The following RASEF variants were observed in gnomAD, a reference collection of about 807,000 sequenced individuals.
RASEF encodes RAS and EF-hand domain containing.
A neutral mutation model predicts 90.1 loss-of-function variants in RASEF; 68 were observed. That is an observed-to-expected ratio of 0.75 (90% CI 0.62 to 0.92). The LOEUF is 0.92. RASEF is among the 40% of genes least tolerant of loss of function. The pLI is 0.00. For missense variants in RASEF, 949 were observed against 937.2 expected, an observed-to-expected ratio of 1.01 and a Z score of -0.16; for synonymous variants, 331 against 345.2, an observed-to-expected ratio of 0.96 and a Z score of 0.46.
the RASEF span, among the ~76,000 whole-genome samples, chr9:83,156,429 C>A: frequency 6.6e-6 from 1 of 152,174 alleles, no homozygotes; most frequent in Non-Finnish European, 1.5e-5. Flanking sequence ...GCTGGTTCCT[C>A]ATGTTCTTTA....
At chr9:83,036,674 G>C (rs966178671) in intron 1 of RASEF, among the ~76,000 whole-genome samples, 7 of 152,128 alleles carry the variant, frequency 4.6e-5, no homozygotes, top group African/African-American at 1.4e-4. Context: ...ACAACAAAAT[G>C]GAACGTGGTG....
the RASEF span, among the ~76,000 whole-genome samples, chr9:83,116,374 C>G: frequency 6.6e-6 from 1 of 152,142 alleles, no homozygotes; most frequent in Non-Finnish European, 1.5e-5. Flanking sequence ...AGGCTATTCA[C>G]TTTGGGAGGA....
At chr9:83,090,043 C>A in the RASEF span, among the ~76,000 whole-genome samples, 3 of 152,086 alleles carry the variant, frequency 2.0e-5, no homozygotes, top group African/African-American at 7.2e-5. Context: ...ATTCTTTTTT[C>A]TTTGTCTTCC....
intron 1 of RASEF, among the ~76,000 whole-genome samples, chr9:83,033,212 A>G (rs113069924): frequency 4.3e-4 from 65 of 152,334 alleles, no homozygotes; most frequent in African/African-American, 1.4e-3. Context: ...CTAGCATCTG[A>G]ACATGAGACA....
the RASEF span, among the ~76,000 whole-genome samples, chr9:83,159,564 T>C: frequency 4.1e-4 from 63 of 152,308 alleles, no homozygotes; most frequent in African/African-American, 1.5e-3. Flanking sequence ...AATTTTCTAA[T>C]TGTGTTTGAA....
At chr9:83,128,025 C>CTTTTTTTTTTTT in the RASEF span, among the ~76,000 whole-genome samples, 3 of 134,724 alleles carry the variant, frequency 2.2e-5, no homozygotes, top group Non-Finnish European at 4.7e-5. Context: ...TTTTTCTTTT[C>CTTTTTTTTTTTT]TTTTTTTTTT....
intron 16 of RASEF, among the ~76,000 whole-genome samples, chr9:82,989,563 T>C (rs533693752): frequency 1.3e-5 from 2 of 152,248 alleles, no homozygotes; most frequent in East Asian, 3.9e-4. Flanking sequence ...TGCAAAGTAT[T>C]TTAACTATCA....
the RASEF span, among the ~76,000 whole-genome samples, chr9:83,160,656 A>G: frequency 6.6e-6 from 1 of 152,238 alleles, no homozygotes; most frequent in African/African-American, 2.4e-5. Flanking sequence ...TTGCAAAAGT[A>G]ATGAGGAGCC....
At chr9:83,004,436 ATTTAC>A (rs141850659) in intron 9 of RASEF, 57 bp downstream of exon 9, 517,869 of 1,025,526 alleles carry the variant, frequency 0.5, 133,323 homozygotes, top group East Asian at 0.73. Context: ...CTCCAAGGAA[ATTTAC>A]TTTCCTTTTA....
intron 1 of RASEF, chr9:83,048,854 T>C: frequency 1.3e-6 from 1 of 758,608 alleles, no homozygotes; most frequent in Non-Finnish European, 1.6e-6. Flanking sequence ...TGAGGCTGTG[T>C]GCAGTGGCTC....
At chr9:83,018,970 T>A (rs1309710044) in intron 3 of RASEF, among the ~76,000 whole-genome samples, 1 of 152,088 alleles carries the variant, frequency 6.6e-6, no homozygotes, top group Non-Finnish European at 1.5e-5. Flanking sequence ...ATAAAAAAAA[T>A]ATGAACATTG....
At chr9:83,068,043 A>T (rs1243697831), upstream of RASEF, among the ~76,000 whole-genome samples, 1 of 151,782 alleles carries the variant, frequency 6.6e-6, no homozygotes, top group Non-Finnish European at 1.5e-5. Context: ...CTCCCAGTTA[A>T]TTTTTTTTGT....
At position 83,015,823 on chromosome 9, in the gene RASEF, G is replaced by C. The variant is rs1829333223; in HGVS notation, c.747C>G (p.Thr249=). 4 of 1,613,132 alleles carry C rather than the reference G, an allele frequency of 2.5e-6. No individual in the cohort carries two copies. In the African/African-American group the frequency reaches 4.0e-5, roughly 16 times the overall value. The change falls in exon 4 of 17, where the codon ACC becomes ACG. Residue 249 remains threonine (T), a synonymous_variant. Transcript: ENST00000376447. ...TGCCTACCTTTCTTAGCTTTTTAAT[G>C]GTCACCTGCAGATCTCCTACTTCAG... is the stretch of plus-strand genomic sequence containing the variant. The part of the protein sequence containing the change: ...YETEVGDLQV[T]IKKLRKLEEQ...
the RASEF span, among the ~76,000 whole-genome samples, chr9:83,122,183 C>A: frequency 6.6e-6 from 1 of 152,196 alleles, no homozygotes; most frequent in African/African-American, 2.4e-5. Flanking sequence ...CAGCTCACGT[C>A]CACTACTGAC....
the RASEF span, among the ~76,000 whole-genome samples, chr9:83,111,817 G>A: frequency 3.3e-5 from 5 of 151,670 alleles, no homozygotes; most frequent in South Asian, 2.1e-4. Context: ...TAAAAACAAT[G>A]GAAGAAAGCA....
At chr9:83,021,153 C>T (rs1255011349) in intron 3 of RASEF, among the ~76,000 whole-genome samples, 2 of 152,224 alleles carry the variant, frequency 1.3e-5, no homozygotes, top group African/African-American at 4.8e-5. Flanking sequence ...GGTGCAGCCA[C>T]TACATTGCAG....
At chr9:83,127,664 G>A in the RASEF span, among the ~76,000 whole-genome samples, 14 of 152,072 alleles carry the variant, frequency 9.2e-5, no homozygotes, top group Admixed American at 3.9e-4. Flanking sequence ...TTTCCAAAGC[G>A]CCACAGATGG....
the RASEF span, among the ~76,000 whole-genome samples, chr9:83,143,990 T>C: frequency 6.6e-6 from 1 of 152,178 alleles, no homozygotes; most frequent in African/African-American, 2.4e-5. Context: ...AATGAAATCC[T>C]GTCCTTTGCA....
intron 1 of RASEF, among the ~76,000 whole-genome samples, chr9:83,035,566 T>C (rs1175148062): frequency 6.6e-6 from 1 of 152,218 alleles, no homozygotes. Context: ...CATGTATATG[T>C]AAGAATATGC....
Sources: gnomAD v4.1 joint callset for allele counts (sites outside exome capture counted in the v4.1 genomes callset) on GRCh38, gnomAD v4.1.1 for gene constraint, MANE v1.5 for transcripts, NCBI Gene and HGNC (gene_info 2026-07-23, HGNC 2026-07-21) for gene names.